Variants in HEATR1 observed in about 807,000 individuals in gnomAD.
HEATR1 encodes HEAT repeat containing 1.
HEATR1 carries 77 observed loss-of-function variants against 248.2 expected under a neutral mutation model. The observed-to-expected ratio is 0.31, with a 90% confidence interval of 0.26 to 0.37. The LOEUF is 0.37. HEATR1 is among the 10% of genes least tolerant of loss of function. HEATR1 has a pLI of 1.00. For synonymous variants in HEATR1, 897 were observed against 923.1 expected, an observed-to-expected ratio of 0.97 and a Z score of 0.51; for missense variants, 2,420 against 2,504.9, an observed-to-expected ratio of 0.97 and a Z score of 0.72.
chr1:236,568,832 G>A lies in HEATR1; in HGVS notation c.4077+164C>T, dbSNP rs1443627258. Among the ~76,000 whole-genome samples the A allele has an allele frequency of 4.7e-5, 7 of 149,558 alleles. No homozygotes were observed. In the East Asian group the frequency reaches 1.4e-3, roughly 29 times the overall value. On this transcript the variant is annotated intron_variant, in intron 29 of 44. Coordinates refer to ENST00000366582, the MANE Select transcript of HEATR1 (RefSeq NM_018072.6). Reference sequence around the variant, plus strand: ...TTAGCTTCAATGTTCTAAAACTTAAGGGCAATGTACTTCAGCATTTCAGAA... The same window carrying A: ...TTAGCTTCAATGTTCTAAAACTTAAAGGCAATGTACTTCAGCATTTCAGAA...
chr1:236,560,782 T>C (rs1663110937), intron 33 of HEATR1, among the ~76,000 whole-genome samples: 1 of 152,224 alleles, frequency 6.6e-6, no homozygotes, highest in Non-Finnish European at 1.5e-5. Flanking sequence ...AAAGAATTCA[T>C]GAGCCCATAG....
intron 15 of HEATR1, 81 bp downstream of exon 15, chr1:236,586,160 C>T (rs1423107480): frequency 3.0e-6 from 4 of 1,311,746 alleles, no homozygotes; most frequent in Non-Finnish European, 3.1e-6. Context: ...ATAAGCATGA[C>T]CAACAATAAA....
Position 236,597,996 on chromosome 1 carries a change from G to C in HEATR1, c.502-17C>G. 1 of 1,522,998 alleles carries C rather than the reference G, an allele frequency of 6.6e-7. No individual in the cohort carries two copies. Among genetic ancestry groups the C allele is most frequent in the South Asian group, 1.1e-5 (1 of 88,578 alleles). 94.3% of individuals were successfully genotyped at this position (1,522,998 alleles called of 1,614,324 possible). ...TCCAGATTGCTGTTATTGATGGAAA[G>C]AACAAACTACTAGCAACATTCATCA... On this transcript the variant is annotated splice_polypyrimidine_tract_variant and intron_variant, in intron 4 of 44. Transcript: ENST00000366582.
chr1:236,562,179 G>A (rs1377227402), intron 32 of HEATR1, among the ~76,000 whole-genome samples: 1 of 152,140 alleles, frequency 6.6e-6, no homozygotes, highest in Non-Finnish European at 1.5e-5. Flanking sequence ...TACATTAACT[G>A]GCCATCTGTA....
At chr1:236,583,921 A>C (rs1286038130) in intron 17 of HEATR1, among the ~76,000 whole-genome samples, 2 of 152,218 alleles carry the variant, frequency 1.3e-5, no homozygotes, top group African/African-American at 4.8e-5. Flanking sequence ...CCTGCAGATG[A>C]TTTTAAACAA....
chr1:236,604,075 C>A lies in HEATR1; in HGVS notation c.21G>T (p.Gln7His), dbSNP rs1326422044. 1 of 1,579,026 alleles carries A rather than the reference C, an allele frequency of 6.3e-7. No homozygotes were observed. Among genetic ancestry groups the A allele is most frequent in the Non-Finnish European group, 8.6e-7 (1 of 1,169,272 alleles). The change falls in exon 2 of 45, where the codon CAG becomes CAT. Residue 7 changes from glutamine (Q) to histidine (H), a missense_variant. Coordinates refer to ENST00000366582, the MANE Select transcript of HEATR1 (RefSeq NM_018072.6). MTSLAQQLQRLALPQSD... is the reference protein window; with the variant it reads MTSLAQHLQRLALPQSD... ...TTTGAGGGAGGGCGAGTCGTTGCAG[C>A]TGCTGGGCTAAGGACGTCATCTTTC...
intron 9 of HEATR1, among the ~76,000 whole-genome samples, chr1:236,593,584 G>GAAAAAAAAAAAAA (rs534009257): frequency 3.3e-5 from 3 of 90,822 alleles, no homozygotes; most frequent in Admixed American, 1.3e-4. Flanking sequence ...CCCATTAAGA[G>GAAAAAAAAAAAAA]AAAAAAAAAA....
In HEATR1 at chr1:236,576,867, A is replaced by C. The variant is rs1354957777; in HGVS notation, c.2838T>G (p.Ser946Arg). Residue 946 changes from serine (S) to arginine (R), a missense_variant, in exon 21 of 45, where the codon AGT (serine) becomes AGG (arginine). By Grantham distance (110) the Ser-to-Arg change is moderately radical. Coordinates refer to ENST00000366582, the MANE Select transcript of HEATR1 (RefSeq NM_018072.6). ...RAAIQCLQAL[S>R]GVASPFYLII... is the part of the protein sequence containing the mutation. ...TCAGATAAAACGGGGATGCCACTCC[A>C]CTGAGGGCCTGGAGACACTGAATGG... 6.2e-7 allele frequency: 1 copy of C among 1,614,030 alleles called. No homozygotes were observed. Among genetic ancestry groups the C allele is most frequent in the Non-Finnish European group, 8.5e-7 (1 of 1,179,856 alleles).
Position 236,555,581 on chromosome 1 carries a change from G to C in HEATR1, c.5724C>G (p.Ser1908=). Residue 1908 remains serine (S), a synonymous_variant, in exon 40 of 45, where the codon TCC becomes TCG. Transcript: ENST00000366582. The stretch of plus-strand genomic sequence containing the variant: ...AGAACAGGGGCCTGAATGTGACCTC[G>C]GAAAGTTTGACAACCATGGCTACTA... ...DCLVAMVVKL[S]EVTFRPLFFK... The C allele has an allele frequency of 1.2e-6, 2 of 1,614,176 alleles. No individual in the cohort carries two copies. The highest frequency in any genetic ancestry group is 1.7e-6 in the Non-Finnish European group (2 of 1,180,032).
intron 32 of HEATR1, 79 bp from the exon 33 acceptor site, chr1:236,561,350 C>T (rs1433490606): frequency 2.5e-5 from 28 of 1,116,576 alleles, no homozygotes; most frequent in African/African-American, 1.9e-4. Context: ...CAATGAAACT[C>T]GGACCATTCA....
At chr1:236,594,295 T>C (rs1664118937) in intron 8 of HEATR1, among the ~76,000 whole-genome samples, 181 bp from the exon 9 acceptor site, 1 of 152,236 alleles carries the variant, frequency 6.6e-6, no homozygotes, top group African/African-American at 2.4e-5. Flanking sequence ...TAAAGCTCTT[T>C]TGTATAGATC....
At chr1:236,595,039 T>A (rs563750983) in intron 8 of HEATR1, among the ~76,000 whole-genome samples, 1 of 150,586 alleles carries the variant, frequency 6.6e-6, no homozygotes, top group Admixed American at 6.7e-5. Flanking sequence ...GCTAGAATTA[T>A]AGGTTTGAGC....
rs372793751 is a variant in HEATR1, at chr1:236,603,239, T to A, written c.280A>T (p.Ile94Phe). The part of the protein sequence containing the change: ...KAVNKQLDEN[I>F]SLFLIHLSPY... The stretch of plus-strand genomic sequence containing the variant: ...GACAAGTGAATAAGGAATAATGAAA[T>A]GTTTTCATCCAACTGTTTGTTTACT... Residue 94 changes from isoleucine (I) to phenylalanine (F), a missense_variant, in exon 3 of 45, where the codon ATT becomes TTT. Physicochemically the swap from Ile to Phe is conservative, Grantham distance 21 (BLOSUM62 0). Coordinates refer to ENST00000366582, the MANE Select transcript of HEATR1 (RefSeq NM_018072.6). 1 of 1,614,164 alleles carries A rather than the reference T, an allele frequency of 6.2e-7. No homozygotes were observed. Among genetic ancestry groups the A allele is most frequent in the Non-Finnish European group, 8.5e-7 (1 of 1,180,018 alleles).
Position 236,597,931 on chromosome 1 carries a change from T to G in HEATR1, c.550A>C (p.Lys184Gln). Residue 184 changes from lysine (K) to glutamine (Q), a missense_variant, in exon 5 of 45, where the codon AAA becomes CAA. Physicochemically the swap from Lys to Gln is moderately conservative, Grantham distance 53. Coordinates refer to ENST00000366582, the MANE Select transcript of HEATR1 (RefSeq NM_018072.6). ...AKGTLITHCY[K>Q]DLGFMDFICS... is the part of the protein sequence containing the mutation. ...ATGAAATCCATGAATCCAAGATCTT[T>G]GTAGCAGTGGGTAATCAAAGTTCCT... 3 of 1,613,940 alleles carry G rather than the reference T, an allele frequency of 1.9e-6. No individual in the cohort carries two copies. Among genetic ancestry groups the G allele is most frequent in the Non-Finnish European group, 2.5e-6 (3 of 1,179,928 alleles).
In HEATR1 at chr1:236,595,600, TGAC is replaced by T; in HGVS notation, c.1027_1029del (p.Val343del). 6.2e-7 allele frequency: 1 copy of T among 1,608,434 alleles called. No homozygotes were observed. The highest frequency in any genetic ancestry group is 8.5e-7 in the Non-Finnish European group (1 of 1,174,764). ...GGAAGCATGTAATGCAGAAGAGGAC[TGAC>T]ATCGTAAGTTTCAGAAATCCCATGA... On this transcript the variant is annotated inframe_deletion, in exon 8 of 45. Coordinates refer to ENST00000366582, the MANE Select transcript of HEATR1 (RefSeq NM_018072.6).
At chr1:236,568,898 C>CA (rs398053926) in intron 29 of HEATR1, 98 bp downstream of exon 29, 14,841 of 523,258 alleles carry the variant, frequency 0.028, 4 homozygotes, top group Middle Eastern at 0.049. Flanking sequence ...AAAAAAAAAA[C>CA]AAAAAAAAAA....
Position 236,598,524 on chromosome 1 carries a change from G to C in HEATR1, c.502-545C>G, listed in dbSNP as rs558723731. Among the ~76,000 whole-genome samples the C allele has an allele frequency of 1.2e-4, 18 of 152,312 alleles. No individual in the cohort carries two copies. The South Asian group carries it at 3.5e-3, about 30-fold the overall frequency. On this transcript the variant is annotated intron_variant, in intron 4 of 44. Transcript: ENST00000366582. ...AATAAGAGTGCCTAGGGAGCAGCAA[G>C]ATCCAAGGTAGATTAGAGGAAGAAT...
chr1:236,583,993 G>A (rs1663821730), intron 17 of HEATR1, among the ~76,000 whole-genome samples: 1 of 152,118 alleles, frequency 6.6e-6, no homozygotes, highest in Admixed American at 6.5e-5. Flanking sequence ...CAGAACAGGT[G>A]TAAGAAAATG....
chr1:236,566,155 T>G, intron 30 of HEATR1, 110 bp from the exon 31 acceptor site: 1 of 1,078,208 alleles, frequency 9.3e-7, no homozygotes, highest in South Asian at 1.7e-5. Flanking sequence ...ACTACTTTAT[T>G]TAGAGTGGGT....
Sources: gnomAD v4.1 joint callset for allele counts (sites outside exome capture counted in the v4.1 genomes callset) on GRCh38, gnomAD v4.1.1 for gene constraint, MANE v1.5 for transcripts, NCBI Gene and HGNC (gene_info 2026-07-23, HGNC 2026-07-21) for gene names.